The following RAD51B variants were observed in gnomAD, a reference collection of about 807,000 sequenced individuals.
RAD51B encodes the protein RAD51 paralog B.
In RAD51B, 38 loss-of-function variants were observed where a neutral mutation model predicts 42.2. The observed-to-expected ratio is 0.90, with a 90% CI of 0.70 to 1.18. The LOEUF is 1.18. Among genes scored for constraint, RAD51B ranks in the 50% most tolerant of loss-of-function variants. The probability of loss-of-function intolerance (pLI) is 0.00; values close to 1 mark genes in which losing one functional copy is unlikely to be tolerated. For missense variants in RAD51B, 373 were observed against 400.7 expected (o/e 0.93, Z 0.59); for synonymous variants, 154 against 145.2 (o/e 1.06, Z -0.43).
chr14:68,571,600 T>C (rs982715652), intron 10 of RAD51B, among the ~76,000 whole-genome samples: 2 of 152,214 alleles, frequency 1.3e-5, no homozygotes, highest in African/African-American at 4.8e-5. Context: ...TGTGATTACG[T>C]TGGGCCAGGA....
At chr14:68,283,182 G>A (rs1228827297) in intron 7 of RAD51B, among the ~76,000 whole-genome samples, 1 of 152,146 alleles carries the variant, frequency 6.6e-6, no homozygotes, top group Non-Finnish European at 1.5e-5. Context: ...CCAGAGCCCA[G>A]GAGTACACAT....
chr14:67,928,171 T>C (rs997551406), intron 7 of RAD51B, among the ~76,000 whole-genome samples: 1 of 152,176 alleles, frequency 6.6e-6, no homozygotes, highest in African/African-American at 2.4e-5. Flanking sequence ...TGGTTCAATC[T>C]TGATACTCAT....
rs34284246 is a variant in RAD51B at position 68,139,268 on chromosome 14, GT to G, written c.757-152604del. Among the ~76,000 whole-genome samples the G allele has an allele frequency of 3.0e-3, 423 of 143,278 alleles. 2 individuals are homozygous for G. The highest frequency in any genetic ancestry group is 7.2e-3 in the Middle Eastern group (2 of 276). The allele number at this position is 143,278 out of a possible 152,430, so 94.0% of individuals were successfully genotyped here. A position where few individuals can be genotyped will look rare whatever the true frequency, so the allele number is the denominator to read the frequency against. ...AACATCTCTGGAGATATTCTAAATG[GT>G]TTTTTTTTTTTGGCTTGTATAGATG... On this transcript the variant is annotated intron_variant, in intron 7 of 10. Coordinates refer to ENST00000471583, the MANE Select transcript of RAD51B (RefSeq NM_133510.4).
chr14:68,180,071 G>A (rs545678828), intron 7 of RAD51B, among the ~76,000 whole-genome samples: 1 of 152,202 alleles, frequency 6.6e-6, no homozygotes, highest in Non-Finnish European at 1.5e-5. Context: ...CTATGGCACC[G>A]ACAATTCCTC....
intron 11 of RAD51B, among the ~76,000 whole-genome samples, chr14:68,674,136 C>T (rs1228700756): frequency 6.6e-6 from 1 of 152,024 alleles, no homozygotes; most frequent in Non-Finnish European, 1.5e-5. Flanking sequence ...CATACACACA[C>T]ATATACAATA....
intron 9 of RAD51B, among the ~76,000 whole-genome samples, chr14:68,416,981 T>C (rs1393057525): frequency 1.3e-5 from 2 of 152,136 alleles, no homozygotes; most frequent in Admixed American, 6.5e-5. Flanking sequence ...CAAAGAAAAG[T>C]TGATAAATTT....
At chr14:67,956,500 A>AATAAT (rs2074550381) in intron 7 of RAD51B, among the ~76,000 whole-genome samples, 1 of 152,152 alleles carries the variant, frequency 6.6e-6, no homozygotes, top group Middle Eastern at 3.2e-3. Context: ...AATGAAATGA[A>AATAAT]ATAAAATAAA....
chr14:68,577,473 G>A (rs1890012612), intron 10 of RAD51B, among the ~76,000 whole-genome samples: 1 of 151,380 alleles, frequency 6.6e-6, no homozygotes, highest in African/African-American at 2.4e-5. Flanking sequence ...AATTATTCAT[G>A]TGCTTTTACT....
At chr14:68,391,136 GTCTTTCTTTCTT>G (rs36073427) in intron 8 of RAD51B, among the ~76,000 whole-genome samples, 1,483 of 141,670 alleles carry the variant, frequency 0.01, 20 homozygotes, top group African/African-American at 0.031. Context: ...TATGAGACTT[GTCTTTCTTTCTT>G]TCTTTCTTTC....
At chr14:68,587,909 G>T (rs904724191) in intron 10 of RAD51B, among the ~76,000 whole-genome samples, 2 of 152,230 alleles carry the variant, frequency 1.3e-5, no homozygotes, top group African/African-American at 4.8e-5. Context: ...GGCAGACATG[G>T]TGCATTTAAA....
chr14:68,097,487 C>G (rs1258297406), intron 7 of RAD51B, among the ~76,000 whole-genome samples: 1 of 152,116 alleles, frequency 6.6e-6, no homozygotes, highest in African/African-American at 2.4e-5. Context: ...TATTATTTCC[C>G]TCCCAAGTAA....
intron 4 of RAD51B, among the ~76,000 whole-genome samples, chr14:67,848,822 A>AT (rs2041709903): frequency 6.6e-6 from 1 of 152,170 alleles, no homozygotes; most frequent in Non-Finnish European, 1.5e-5. Context: ...AGAAGACGAG[A>AT]TAAATTTATT....
At chr14:68,470,421 C>T in intron 10 of RAD51B, 1 of 451,854 alleles carries the variant, frequency 2.2e-6, no homozygotes, top group Admixed American at 2.7e-5. Context: ...AAATGCAGGT[C>T]CCCAGAAAAT....
rs950143257 is a variant in RAD51B, at chr14:68,343,909, G to T, written c.853+51929G>T. Reference sequence around the variant, plus strand: ...AGGGCACAAGCTGTAAGCTTTAGTGGCTTTCATGTGGTATTAAGTCTGCAG... The same window carrying T: ...AGGGCACAAGCTGTAAGCTTTAGTGTCTTTCATGTGGTATTAAGTCTGCAG... On this transcript the variant is annotated intron_variant, in intron 8 of 10. Transcript: ENST00000471583. Among the ~76,000 whole-genome samples, 13 of 152,382 alleles carry T rather than the reference G, an allele frequency of 8.5e-5. No individual in the cohort carries two copies. The East Asian group carries it at 2.3e-3, about 27-fold the overall frequency.
At chr14:68,532,487 T>C (rs1271030429) in intron 10 of RAD51B, among the ~76,000 whole-genome samples, 3 of 152,218 alleles carry the variant, frequency 2.0e-5, no homozygotes, top group African/African-American at 7.2e-5. Flanking sequence ...TAGAGGAAGT[T>C]AATGATTTTT....
At chr14:68,100,956 T>C (rs1489350713) in intron 7 of RAD51B, among the ~76,000 whole-genome samples, 1 of 152,210 alleles carries the variant, frequency 6.6e-6, no homozygotes. Context: ...GACTCACAGT[T>C]CTGCAGGGCT....
At chr14:68,583,651 G>A (rs1200501828) in intron 10 of RAD51B, among the ~76,000 whole-genome samples, 5 of 152,290 alleles carry the variant, frequency 3.3e-5, no homozygotes, top group South Asian at 4.2e-4. Context: ...GAAGGGCCTT[G>A]AGCACACATG....
At chr14:68,341,618 C>T (rs1224264667) in intron 8 of RAD51B, among the ~76,000 whole-genome samples, 1 of 152,210 alleles carries the variant, frequency 6.6e-6, no homozygotes, top group African/African-American at 2.4e-5. Context: ...CTGCTTTCCT[C>T]CTGTTGGTTT....
intron 8 of RAD51B, among the ~76,000 whole-genome samples, chr14:68,375,252 C>T (rs994575930): frequency 2.6e-5 from 4 of 152,032 alleles, no homozygotes; most frequent in African/African-American, 9.7e-5. Flanking sequence ...ACCCTCCTTC[C>T]CCGCTCTCAG....
Sources: gnomAD v4.1 joint callset for allele counts (sites outside exome capture counted in the v4.1 genomes callset) on GRCh38, gnomAD v4.1.1 for gene constraint, MANE v1.5 for transcripts, NCBI Gene and HGNC (gene_info 2026-07-23, HGNC 2026-07-21) for gene names.